COG5: variants seen among roughly 807,000 people sequenced by gnomAD.
The protein encoded by COG5 is component of oligomeric golgi complex 5, also known as conserved oligomeric Golgi complex subunit 5.
In COG5, 86 loss-of-function variants were observed where a neutral mutation model predicts 110.4. The observed-to-expected ratio is 0.78, with a 90% CI of 0.65 to 0.93. The LOEUF (loss-of-function observed/expected upper bound fraction) is 0.93, where lower values mean the gene tolerates loss of function less well. Ranked by LOEUF, COG5 falls within the 40% of genes least tolerant of loss-of-function variation. The probability of loss-of-function intolerance (pLI) is 0.00; values close to 1 mark genes in which losing one functional copy is unlikely to be tolerated. For missense variants in COG5, 1,077 were observed against 987.0 expected (o/e 1.09, Z -1.22); for synonymous variants, 360 against 334.6 (o/e 1.08, Z -0.83).
At chr7:107,518,309 T>A (rs1412803940) in intron 6 of COG5, among the ~76,000 whole-genome samples, 1 of 152,116 alleles carries the variant, frequency 6.6e-6, no homozygotes, top group Non-Finnish European at 1.5e-5. Context: ...CACATAACAA[T>A]TTTAACCTTA....
intron 6 of COG5, among the ~76,000 whole-genome samples, chr7:107,511,452 A>T (rs538463148): frequency 6.6e-6 from 1 of 152,196 alleles, no homozygotes; most frequent in East Asian, 1.9e-4. Flanking sequence ...TCACAGCCAA[A>T]TTCTACCAGA....
chr7:107,218,746 T>G (rs1376767326), intron 19 of COG5, among the ~76,000 whole-genome samples: 1 of 146,404 alleles, frequency 6.8e-6, no homozygotes, highest in Admixed American at 6.8e-5. Context: ...GACTTGAAAC[T>G]GTAAAAAAAA....
chr7:107,486,966 A>G (rs1373945195), intron 6 of COG5, among the ~76,000 whole-genome samples: 1 of 152,180 alleles, frequency 6.6e-6, no homozygotes, highest in South Asian at 2.1e-4. Flanking sequence ...AGTTATACCA[A>G]AAAAATAGCA....
intron 6 of COG5, among the ~76,000 whole-genome samples, chr7:107,414,977 C>T (rs1483932101): frequency 2.0e-5 from 3 of 151,882 alleles, no homozygotes; most frequent in Admixed American, 6.6e-5. Context: ...CCACCCGCCT[C>T]GGCCTCCCAA....
intron 14 of COG5, 125 bp downstream of exon 14, chr7:107,281,175 C>T (rs964494617): frequency 2.7e-6 from 2 of 746,874 alleles, no homozygotes; most frequent in Non-Finnish European, 4.4e-6. Flanking sequence ...AAGTTACAAA[C>T]TTTCACTACA....
chr7:107,376,647 C>T (rs982738339), intron 7 of COG5, among the ~76,000 whole-genome samples: 8 of 151,924 alleles, frequency 5.3e-5, no homozygotes, highest in Non-Finnish European at 1.2e-4. Flanking sequence ...TCTCCTCTAT[C>T]TCATTGCTTT....
At chr7:107,399,241 T>C (rs1398386580) in intron 7 of COG5, among the ~76,000 whole-genome samples, 1 of 151,940 alleles carries the variant, frequency 6.6e-6, no homozygotes, top group Non-Finnish European at 1.5e-5. Context: ...TTACTAAAAC[T>C]CATCAAACTA....
chr7:107,290,863 C>T (rs1806108757), intron 12 of COG5, among the ~76,000 whole-genome samples: 1 of 151,998 alleles, frequency 6.6e-6, no homozygotes, highest in East Asian at 1.9e-4. Context: ...ACTATGTTGC[C>T]CAGGCTAGTC....
At chr7:107,326,846 C>T (rs539570311) in intron 10 of COG5, among the ~76,000 whole-genome samples, 84 of 152,048 alleles carry the variant, frequency 5.5e-4, no homozygotes, top group Non-Finnish European at 8.8e-4. Context: ...AAAAAACAAA[C>T]AAACAAAGCT....
intron 6 of COG5, chr7:107,480,680 C>T (rs1797288816): frequency 1.3e-5 from 2 of 151,904 alleles, no homozygotes; most frequent in African/African-American, 2.4e-5. Flanking sequence ...AAAGACACCC[C>T]CATTGACAGG....
intron 6 of COG5, chr7:107,475,036 T>TG: frequency 6.2e-7 from 1 of 1,613,020 alleles, no homozygotes; most frequent in East Asian, 2.2e-5. Flanking sequence ...TCTTCTCTGC[T>TG]GGACACCAAT....
At chr7:107,220,510 C>T (rs1799839616) in intron 19 of COG5, among the ~76,000 whole-genome samples, 1 of 152,236 alleles carries the variant, frequency 6.6e-6, no homozygotes, top group African/African-American at 2.4e-5. Flanking sequence ...GGCTATGCCT[C>T]AGCTCTGCTC....
chr7:107,443,264 A>G (rs1226385834), intron 6 of COG5, among the ~76,000 whole-genome samples: 1 of 152,158 alleles, frequency 6.6e-6, no homozygotes, highest in African/African-American at 2.4e-5. Flanking sequence ...AAGATCATAT[A>G]TTATATTATC....
At chr7:107,436,782 GAATT>G (rs1354482562) in intron 6 of COG5, among the ~76,000 whole-genome samples, 2 of 152,152 alleles carry the variant, frequency 1.3e-5, no homozygotes, top group East Asian at 1.9e-4. Flanking sequence ...AAGCAATAGA[GAATT>G]AAAGCAGAGT....
In COG5 at chr7:107,283,693, C is replaced by T. The variant is rs1346555221; in HGVS notation, c.1353G>A (p.Glu451=). 17 of 1,613,932 alleles carry T rather than the reference C, an allele frequency of 1.1e-5. No individual in the cohort carries two copies. Among genetic ancestry groups the T allele is most frequent in the Non-Finnish European group, 1.4e-5 (17 of 1,179,930 alleles). ...KALKDSLQPY[E]AAYLSKSLSR... ...ATAAGGATTTTGATAGATAAGCAGC[C>T]TCATAGGGTTGTAGTGAGTCTTTCA... The change falls in exon 13 of 22, where the codon GAG becomes GAA. Residue 451 remains glutamate (E), a synonymous_variant. Transcript: ENST00000297135.
intron 7 of COG5, among the ~76,000 whole-genome samples, chr7:107,401,763 A>G (rs1791449930): frequency 6.6e-6 from 1 of 152,198 alleles, no homozygotes; most frequent in Non-Finnish European, 1.5e-5. Flanking sequence ...AGTCAGAAAA[A>G]CAGCTAAATA....
chr7:107,499,693 A>G (rs1054538488), intron 6 of COG5, among the ~76,000 whole-genome samples: 1 of 152,100 alleles, frequency 6.6e-6, no homozygotes, highest in African/African-American at 2.4e-5. Context: ...GTCAGCCACC[A>G]TGCCTAGCCT....
At chr7:107,228,776 TAA>T (rs555581676) in intron 19 of COG5, among the ~76,000 whole-genome samples, 21 of 142,460 alleles carry the variant, frequency 1.5e-4, no homozygotes, top group Admixed American at 2.1e-4. Flanking sequence ...GTGTTGCCAT[TAA>T]AAAAAAAAAA....
At chr7:107,263,875 C>CA (rs1803579332) in intron 14 of COG5, among the ~76,000 whole-genome samples, 1 of 151,906 alleles carries the variant, frequency 6.6e-6, no homozygotes, top group Non-Finnish European at 1.5e-5. Context: ...ATGAAATGAC[C>CA]AAAATCTCCC....
Sources: allele counts gnomAD v4.1 joint callset (sites outside exome capture counted in the v4.1 genomes callset), GRCh38; gene constraint gnomAD v4.1.1; transcripts MANE v1.5; gene names NCBI Gene and HGNC (gene_info 2026-07-23, HGNC 2026-07-21).